FRK: variants seen among roughly 807,000 people sequenced by gnomAD.
FRK encodes the protein tyrosine-protein kinase FRK.
In FRK, 51 loss-of-function variants were observed where a neutral mutation model predicts 56.4. That is an observed-to-expected ratio of 0.90 (90% CI 0.72 to 1.14). The LOEUF (loss-of-function observed/expected upper bound fraction) is 1.14, where lower values mean the gene tolerates loss of function less well. FRK is among the 50% of genes most tolerant of loss of function. The probability of loss-of-function intolerance (pLI) is 0.00; values close to 1 mark genes in which losing one functional copy is unlikely to be tolerated. For synonymous variants in FRK, 245 were observed against 217.9 expected (o/e 1.12, Z -1.10); for missense variants, 570 against 601.4 (o/e 0.95, Z 0.55).
At chr6:116,012,024 C>G (rs903158775) in intron 1 of FRK, among the ~76,000 whole-genome samples, 1 of 152,108 alleles carries the variant, frequency 6.6e-6, no homozygotes, top group African/African-American at 2.4e-5. Flanking sequence ...TTCATTCCTT[C>G]CTTTCCATTT....
chr6:116,095,967 T>A, the FRK span, among the ~76,000 whole-genome samples: 1 of 152,204 alleles, frequency 6.6e-6, no homozygotes, highest in African/African-American at 2.4e-5. Context: ...CCTCTGGAAT[T>A]GGGTGACATG....
chr6:116,098,905 A>G, the FRK span, among the ~76,000 whole-genome samples: 1 of 152,204 alleles, frequency 6.6e-6, no homozygotes, highest in Non-Finnish European at 1.5e-5. Flanking sequence ...GTACAAAGGA[A>G]AGGTGAGTGG....
intron 2 of FRK, among the ~76,000 whole-genome samples, chr6:115,994,326 C>T (rs868756378): frequency 1.1e-5 from 1 of 93,044 alleles, no homozygotes; most frequent in Non-Finnish European, 2.3e-5. Context: ...TCACAACCTC[C>T]CCCCCCCCCG....
At chr6:116,071,234 A>G in the FRK span, among the ~76,000 whole-genome samples, 2 of 152,298 alleles carry the variant, frequency 1.3e-5, no homozygotes, top group South Asian at 2.1e-4. Context: ...GCCTATGTAC[A>G]TAATGATATG....
At chr6:116,000,314 CTCACTGCAA>C (rs1775016298) in intron 2 of FRK, among the ~76,000 whole-genome samples, 1 of 141,392 alleles carries the variant, frequency 7.1e-6, no homozygotes, top group Non-Finnish European at 1.5e-5. Flanking sequence ...GTGACCTCTG[CTCACTGCAA>C]TCTCCACCTC....
At chr6:116,022,434 T>C (rs1256780409) in intron 1 of FRK, among the ~76,000 whole-genome samples, 1 of 152,082 alleles carries the variant, frequency 6.6e-6, no homozygotes, top group Non-Finnish European at 1.5e-5. Context: ...TAAAATATAC[T>C]GGTAAATCAA....
chr6:115,980,981 T>C (rs545637867), intron 2 of FRK, among the ~76,000 whole-genome samples: 2 of 152,152 alleles, frequency 1.3e-5, no homozygotes, highest in African/African-American at 4.8e-5. Flanking sequence ...AGCTATATTT[T>C]ATATTATGTT....
the FRK span, among the ~76,000 whole-genome samples, chr6:116,078,999 G>A: frequency 1.3e-5 from 2 of 152,024 alleles, no homozygotes; most frequent in Non-Finnish European, 2.9e-5. Flanking sequence ...ACTTTGTGTG[G>A]ATATTCTATA....
intron 2 of FRK, among the ~76,000 whole-genome samples, chr6:115,995,843 A>C (rs1308891832): frequency 4.6e-5 from 7 of 152,156 alleles, no homozygotes; most frequent in Admixed American, 3.9e-4. Context: ...ATCATTGGTA[A>C]TGTTCAGAAA....
At chr6:116,013,366 A>G (rs1775541131) in intron 1 of FRK, among the ~76,000 whole-genome samples, 1 of 152,172 alleles carries the variant, frequency 6.6e-6, no homozygotes, top group Admixed American at 6.6e-5. Flanking sequence ...GACAGCTAAT[A>G]TTGATTTCTC....
intron 1 of FRK, among the ~76,000 whole-genome samples, chr6:116,050,249 A>G (rs1389536080): frequency 6.6e-6 from 1 of 152,192 alleles, no homozygotes; most frequent in East Asian, 1.9e-4. Context: ...AGATCAGATC[A>G]TTCCATAATC....
At chr6:116,018,104 C>A (rs937069686) in intron 1 of FRK, among the ~76,000 whole-genome samples, 3 of 152,130 alleles carry the variant, frequency 2.0e-5, no homozygotes, top group Admixed American at 6.5e-5. Flanking sequence ...CTAGGGCCCC[C>A]TAATAGGTTG....
chr6:116,095,385 A>G, the FRK span, among the ~76,000 whole-genome samples: 10 of 152,266 alleles, frequency 6.6e-5, no homozygotes, highest in Admixed American at 4.6e-4. Context: ...GGAGCCATCT[A>G]TATCAATTCT....
At chr6:116,017,862 C>T (rs1269837656) in intron 1 of FRK, among the ~76,000 whole-genome samples, 5 of 152,174 alleles carry the variant, frequency 3.3e-5, no homozygotes, top group Non-Finnish European at 7.3e-5. Flanking sequence ...CTTTTTCTCT[C>T]CAGTCCACTC....
At chr6:116,023,732 C>T (rs929280761) in intron 1 of FRK, among the ~76,000 whole-genome samples, 3 of 151,952 alleles carry the variant, frequency 2.0e-5, no homozygotes, top group Non-Finnish European at 4.4e-5. Context: ...GAGGTTTAGG[C>T]GTTCGAAGCC....
the FRK span, among the ~76,000 whole-genome samples, chr6:116,069,761 A>G: frequency 2.6e-5 from 4 of 152,180 alleles, no homozygotes; most frequent in Non-Finnish European, 1.5e-5. Context: ...GTCAGGGGAA[A>G]TTCCTTGGGG....
chr6:116,034,884 T>C (rs952213083), intron 1 of FRK, among the ~76,000 whole-genome samples: 4 of 152,102 alleles, frequency 2.6e-5, no homozygotes, highest in Non-Finnish European at 4.4e-5. Flanking sequence ...GATAGAATTA[T>C]ATGATGCCTA....
the FRK span, among the ~76,000 whole-genome samples, chr6:116,091,089 A>G: frequency 1.9e-4 from 29 of 152,344 alleles, no homozygotes; most frequent in Middle Eastern, 3.4e-3. Flanking sequence ...AGTTTCCTAC[A>G]AAAGTGAGAG....
At chr6:115,993,183 G>T (rs1338592443) in intron 2 of FRK, among the ~76,000 whole-genome samples, 1 of 151,788 alleles carries the variant, frequency 6.6e-6, no homozygotes. Flanking sequence ...GAGAGAGAGG[G>T]AGAAAGTAAA....
Sources: allele counts gnomAD v4.1 joint callset (sites outside exome capture counted in the v4.1 genomes callset), GRCh38; gene constraint gnomAD v4.1.1; transcripts MANE v1.5; gene names NCBI Gene and HGNC (gene_info 2026-07-23, HGNC 2026-07-21).